The following GLRA3 variants were observed in gnomAD, a reference collection of about 807,000 sequenced individuals.
The protein encoded by GLRA3 is glycine receptor subunit alpha-3.
A neutral mutation model predicts 60.4 loss-of-function variants in GLRA3; 44 were observed. The ratio of observed to expected loss-of-function variants is 0.73; its 90% CI spans 0.57 to 0.94. The LOEUF (loss-of-function observed/expected upper bound fraction) is 0.94. Among genes scored for constraint, GLRA3 ranks in the 40% least tolerant of loss-of-function variants. GLRA3 has a pLI of 0.00. For missense variants in GLRA3, 508 were observed against 564.6 expected (o/e 0.90, Z 1.02); for synonymous variants, 223 against 192.9 (o/e 1.16, Z -1.29).
At chr4:174,823,174 C>T (rs1210495381) in intron 1 of GLRA3, among the ~76,000 whole-genome samples, 1 of 152,046 alleles carries the variant, frequency 6.6e-6, no homozygotes, top group African/African-American at 2.4e-5. Flanking sequence ...CTCTTTTGGC[C>T]ATTTCCCCAA....
rs1732645103 is a variant in GLRA3 at position 174,642,319 on chromosome 4, G to A, written c.*1467C>T. On this transcript the variant is annotated 3_prime_UTR_variant, in exon 10 of 10. Transcript: ENST00000274093. ...ACTGGCTTTTCTATTGTACATCTGAGTTCATTGTTTTCTTAATCTTTAAAG... is the reference window on the plus strand; with the variant it reads ...ACTGGCTTTTCTATTGTACATCTGAATTCATTGTTTTCTTAATCTTTAAAG... 1.1e-6 allele frequency: 1 copy of A among 939,644 alleles called. No homozygotes were observed. Among genetic ancestry groups the A allele is most frequent in the Admixed American group, 8.3e-5 (1 of 12,010 alleles). 58.2% of individuals were successfully genotyped at this position (939,644 alleles called of 1,614,324 possible).
intron 3 of GLRA3, among the ~76,000 whole-genome samples, chr4:174,744,570 T>A (rs1467569920): frequency 6.6e-6 from 1 of 152,160 alleles, no homozygotes; most frequent in African/African-American, 2.4e-5. Flanking sequence ...AAGTAAATCA[T>A]ACAAAGATTG....
chr4:174,663,429 G>A (rs1733532282), intron 7 of GLRA3, among the ~76,000 whole-genome samples: 1 of 152,066 alleles, frequency 6.6e-6, no homozygotes, highest in African/African-American at 2.4e-5. Flanking sequence ...GTGCATTCTT[G>A]AGCATCCTGA....
chr4:174,719,424 GTTATA>G (rs1053815552), intron 4 of GLRA3, among the ~76,000 whole-genome samples: 42 of 152,100 alleles, frequency 2.8e-4, no homozygotes, highest in East Asian at 1.2e-3. Flanking sequence ...TGAAATTATA[GTTATA>G]TTATAGTGAA....
At chr4:174,766,635 T>G (rs1234545086) in intron 3 of GLRA3, among the ~76,000 whole-genome samples, 1 of 152,102 alleles carries the variant, frequency 6.6e-6, no homozygotes, top group Non-Finnish European at 1.5e-5. Flanking sequence ...AACATGTAAG[T>G]ATTTACTACT....
intron 4 of GLRA3, among the ~76,000 whole-genome samples, chr4:174,715,957 C>T (rs753807466): frequency 2.1e-4 from 32 of 152,090 alleles, no homozygotes; most frequent in Non-Finnish European, 4.1e-4. Context: ...AGACGACATC[C>T]TCAAAAGAGA....
At chr4:174,758,746 T>G in intron 3 of GLRA3, among the ~76,000 whole-genome samples, 1 of 152,156 alleles carries the variant, frequency 6.6e-6, no homozygotes, top group East Asian at 1.9e-4. Flanking sequence ...AAATTCTCTG[T>G]ACTGCCTTTG....
At chr4:174,723,385 A>C (rs888259319) in intron 4 of GLRA3, among the ~76,000 whole-genome samples, 1 of 152,114 alleles carries the variant, frequency 6.6e-6, no homozygotes, top group African/African-American at 2.4e-5. Context: ...TCAAACAAAA[A>C]GTAGTCTAGG....
chr4:174,795,909 T>C (rs574817179), intron 1 of GLRA3, among the ~76,000 whole-genome samples: 1 of 152,326 alleles, frequency 6.6e-6, no homozygotes, highest in Admixed American at 6.5e-5. Flanking sequence ...CCTTATGTTT[T>C]GTAACAGGAA....
chr4:174,769,526 T>C (rs1380449565), intron 2 of GLRA3, among the ~76,000 whole-genome samples: 7 of 152,114 alleles, frequency 4.6e-5, no homozygotes, highest in Non-Finnish European at 7.4e-5. Flanking sequence ...TTTGATTCAA[T>C]ATGTACAGAT....
intron 1 of GLRA3, among the ~76,000 whole-genome samples, chr4:174,808,588 A>C (rs1273539365): frequency 6.6e-6 from 1 of 152,238 alleles, no homozygotes; most frequent in Non-Finnish European, 1.5e-5. Flanking sequence ...TTAGCTGTAA[A>C]ATATCCTCAG....
intron 1 of GLRA3, among the ~76,000 whole-genome samples, chr4:174,821,900 C>T (rs1377898902): frequency 2.0e-5 from 3 of 152,130 alleles, no homozygotes; most frequent in Admixed American, 6.5e-5. Context: ...CTTGATAACA[C>T]AACTAAATAG....
At chr4:174,677,025 C>A in intron 7 of GLRA3, 53 bp downstream of exon 7, 1 of 1,092,270 alleles carries the variant, frequency 9.2e-7, no homozygotes, top group Non-Finnish European at 1.4e-6. Flanking sequence ...GATATCTTTG[C>A]AAGATTTATA....
In GLRA3 at chr4:174,756,820, A is replaced by AT. The variant is rs552144554; in HGVS notation, c.267+10142dup. 9.1e-4 allele frequency among the ~76,000 whole-genome samples: 137 copies of AT among 151,328 alleles called. 9 individuals are homozygous for AT. The East Asian group carries it at 0.011, about 12-fold the overall frequency. On this transcript the variant is annotated intron_variant, in intron 3 of 9. Transcript: ENST00000274093. ...TCACCTCCCCTGGCTAATATTTTGT[A>AT]TTTTTTTTAGTAGAGACGGGGTTTC...
chr4:174,756,649 C>CT (rs36089597), intron 3 of GLRA3, among the ~76,000 whole-genome samples: 53,429 of 142,244 alleles, frequency 0.38, 10,470 homozygotes, highest in East Asian at 0.46. Context: ...TCTTTTTTTT[C>CT]TTTTTTTTTT....
At chr4:174,737,990 TTTAG>T (rs1736871416) in intron 3 of GLRA3, among the ~76,000 whole-genome samples, 1 of 152,192 alleles carries the variant, frequency 6.6e-6, no homozygotes, top group African/African-American at 2.4e-5. Flanking sequence ...TTGGAAGAAT[TTTAG>T]TTAATGAAAT....
chr4:174,827,727 T>C (rs1372743811), intron 1 of GLRA3, among the ~76,000 whole-genome samples: 6 of 152,034 alleles, frequency 3.9e-5, no homozygotes, highest in Non-Finnish European at 8.8e-5. Context: ...TAACTTTCTA[T>C]AAGGTAGTTT....
chr4:174,724,974 G>T (rs1736267042), intron 4 of GLRA3, among the ~76,000 whole-genome samples: 1 of 152,168 alleles, frequency 6.6e-6, no homozygotes, highest in Non-Finnish European at 1.5e-5. Context: ...TGCATTATGT[G>T]TCTTCATATG....
At chr4:174,728,313 T>A (rs2111131968) in intron 4 of GLRA3, among the ~76,000 whole-genome samples, 162 bp downstream of exon 4, 1 of 152,286 alleles carries the variant, frequency 6.6e-6, no homozygotes, top group South Asian at 2.1e-4. Flanking sequence ...GGGTCTGTTA[T>A]TATTGATCAG....
Sources: allele counts gnomAD v4.1 joint callset (sites outside exome capture counted in the v4.1 genomes callset), GRCh38; gene constraint gnomAD v4.1.1; transcripts MANE v1.5; gene names NCBI Gene and HGNC (gene_info 2026-07-23, HGNC 2026-07-21).